NCOA2: variants seen among roughly 807,000 people sequenced by gnomAD.
The protein encoded by NCOA2 is nuclear receptor coactivator 2, also known as class E basic helix-loop-helix protein 75.
In NCOA2, 21 loss-of-function variants were observed where a neutral mutation model predicts 145.1. That is an observed-to-expected ratio of 0.14 (90% CI 0.10 to 0.21). The LOEUF (loss-of-function observed/expected upper bound fraction) is 0.21, where lower values mean the gene tolerates loss of function less well. NCOA2 is among the 10% of genes least tolerant of loss of function. The pLI is 1.00. For synonymous variants in NCOA2, 619 were observed against 637.5 expected, an observed-to-expected ratio of 0.97 and a Z score of 0.44; for missense variants, 1,472 against 1,837.6, an observed-to-expected ratio of 0.80 and a Z score of 3.64.
chr8:70,146,319 A>C (rs558600755), intron 12 of NCOA2, among the ~76,000 whole-genome samples: 4 of 152,236 alleles, frequency 2.6e-5, no homozygotes, highest in Non-Finnish European at 5.9e-5. Context: ...TTGTGTACTA[A>C]GCACTAGACC....
chr8:70,329,595 C>A (rs1806897813), intron 1 of NCOA2, among the ~76,000 whole-genome samples: 1 of 151,862 alleles, frequency 6.6e-6, no homozygotes, highest in South Asian at 2.1e-4. Context: ...GGGCTCATGT[C>A]CACAAAAAAC....
At chr8:70,250,754 T>C (rs1304961819) in intron 2 of NCOA2, among the ~76,000 whole-genome samples, 1 of 152,184 alleles carries the variant, frequency 6.6e-6, no homozygotes, top group Non-Finnish European at 1.5e-5. Flanking sequence ...TATTTATTAA[T>C]TAAAAATGAG....
At chr8:70,420,548 T>A in the NCOA2 span, among the ~76,000 whole-genome samples, 9 of 152,282 alleles carry the variant, frequency 5.9e-5, 1 homozygote, top group South Asian at 1.2e-3. Flanking sequence ...GGCAAAGAAG[T>A]TCTTTGCTGT....
At chr8:70,260,062 C>A (rs1823985595) in intron 2 of NCOA2, among the ~76,000 whole-genome samples, 1 of 152,216 alleles carries the variant, frequency 6.6e-6, no homozygotes, top group African/African-American at 2.4e-5. Flanking sequence ...AACAAAGTTA[C>A]AACCATAACC....
chr8:70,396,537 G>A (rs1009793136), intron 1 of NCOA2, among the ~76,000 whole-genome samples: 1 of 152,028 alleles, frequency 6.6e-6, no homozygotes, highest in Admixed American at 6.6e-5. Flanking sequence ...CCCTGCACTT[G>A]GTTTTCAGTA....
chr8:70,118,430 A>G (rs556082404), intron 22 of NCOA2, among the ~76,000 whole-genome samples: 1 of 152,240 alleles, frequency 6.6e-6, no homozygotes, highest in East Asian at 1.9e-4. Context: ...ACCAGGAAAG[A>G]CACCAGCCCC....
chr8:70,433,012 A>G, the NCOA2 span, among the ~76,000 whole-genome samples: 1 of 152,222 alleles, frequency 6.6e-6, no homozygotes, highest in African/African-American at 2.4e-5. Flanking sequence ...AGTTTTAGCA[A>G]TAACTATATT....
At chr8:70,123,777 TG>T in intron 21 of NCOA2, 106 bp downstream of exon 21, 1 of 852,194 alleles carries the variant, frequency 1.2e-6, no homozygotes, top group South Asian at 2.4e-5. Flanking sequence ...AAAGTAAATG[TG>T]GGAGTTGGTG....
At chr8:70,210,416 C>T (rs561529925) in intron 4 of NCOA2, among the ~76,000 whole-genome samples, 4 of 152,254 alleles carry the variant, frequency 2.6e-5, no homozygotes, top group South Asian at 2.1e-4. Flanking sequence ...CCAACATGTA[C>T]GGAATTCTCT....
the NCOA2 span, among the ~76,000 whole-genome samples, chr8:70,421,504 G>A: frequency 6.6e-6 from 1 of 152,158 alleles, no homozygotes; most frequent in African/African-American, 2.4e-5. Flanking sequence ...ACTGCAGTGA[G>A]CTATGATCGC....
intron 2 of NCOA2, among the ~76,000 whole-genome samples, chr8:70,231,852 T>C (rs1017030861): frequency 1.3e-5 from 2 of 152,188 alleles, no homozygotes; most frequent in African/African-American, 4.8e-5. Context: ...TCTATCTATC[T>C]TCCTAAGTTC....
At chr8:70,219,631 A>G (rs1421027812) in intron 2 of NCOA2, among the ~76,000 whole-genome samples, 1 of 152,008 alleles carries the variant, frequency 6.6e-6, no homozygotes, top group Non-Finnish European at 1.5e-5. Flanking sequence ...GACAGACCTG[A>G]GACCAAAAGT....
In NCOA2 at chr8:70,159,242, A is replaced by T. The variant is rs756133884; in HGVS notation, c.1124+263T>A. ...TAACATTATATATATATATATATAT[A>T]TTTTTTTTTTTTTCCCCCAAATATT... is the stretch of plus-strand genomic sequence containing the variant. On this transcript the variant is annotated intron_variant, in intron 10 of 22. Coordinates refer to ENST00000452400, the MANE Select transcript of NCOA2 (RefSeq NM_006540.4). Among the ~76,000 whole-genome samples the T allele has an allele frequency of 3.2e-3, 197 of 61,078 alleles. 4 individuals carry two copies. Among genetic ancestry groups the T allele is most frequent in the Middle Eastern group, 8.3e-3 (1 of 120 alleles). 40.1% of individuals were successfully genotyped at this position (61,078 alleles called of 152,430 possible). A position where few individuals can be genotyped will look rare whatever the true frequency, so the allele number is the denominator to read the frequency against.
intron 2 of NCOA2, among the ~76,000 whole-genome samples, chr8:70,239,986 A>T (rs1200652081): frequency 1.3e-5 from 2 of 152,160 alleles, no homozygotes; most frequent in African/African-American, 2.4e-5. Context: ...TCCACACAGG[A>T]AATAATCTCT....
the NCOA2 span, among the ~76,000 whole-genome samples, chr8:70,439,739 G>A: frequency 8.5e-5 from 13 of 152,142 alleles, no homozygotes; most frequent in African/African-American, 2.7e-4. Flanking sequence ...TCTCAGCCCC[G>A]CGGAGGAGGC....
chr8:70,192,632 T>A (rs181409635), intron 4 of NCOA2, among the ~76,000 whole-genome samples: 2 of 152,364 alleles, frequency 1.3e-5, no homozygotes, highest in Admixed American at 1.3e-4. Context: ...GCTCCAGGCT[T>A]CTCTGGAAAT....
At chr8:70,134,201 C>A (rs1426206041) in intron 15 of NCOA2, among the ~76,000 whole-genome samples, 2 of 152,188 alleles carry the variant, frequency 1.3e-5, no homozygotes, top group African/African-American at 4.8e-5. Context: ...TACTGCTACA[C>A]TTAGGGAGCG....
At chr8:70,441,122 GAGAAAGAA>G in the NCOA2 span, among the ~76,000 whole-genome samples, 5 of 137,038 alleles carry the variant, frequency 3.6e-5, no homozygotes, top group East Asian at 2.2e-4. Context: ...AAGAAAGAAA[GAGAAAGAA>G]AGAAAGAAAG....
intron 1 of NCOA2, among the ~76,000 whole-genome samples, chr8:70,391,836 A>G (rs753392389): frequency 6.6e-6 from 1 of 152,236 alleles, no homozygotes; most frequent in African/African-American, 2.4e-5. Context: ...GACAGCTTGA[A>G]AAACTGAAAT....
Sources: gnomAD v4.1 joint callset for allele counts (sites outside exome capture counted in the v4.1 genomes callset) on GRCh38, gnomAD v4.1.1 for gene constraint, MANE v1.5 for transcripts, NCBI Gene and HGNC (gene_info 2026-07-23, HGNC 2026-07-21) for gene names.